Variants in FLNC observed in about 807,000 individuals in gnomAD.
FLNC encodes filamin C, also known as filamin-C.
In FLNC, 91 loss-of-function variants were observed where a neutral mutation model predicts 254.3. That is an observed-to-expected ratio of 0.36 (90% confidence interval 0.30 to 0.43). The LOEUF is 0.43. Among genes scored for constraint, FLNC ranks in the 20% least tolerant of loss-of-function variants. The pLI is 1.00. For missense variants in FLNC, 2,853 were observed against 3,802.6 expected, an observed-to-expected ratio of 0.75 and a Z score of 6.57; for synonymous variants, 1,430 against 1,577.2, an observed-to-expected ratio of 0.91 and a Z score of 2.21.
chr7:128,843,196 C>T (rs370921836), intron 16 of FLNC, 33 bp from the exon 17 acceptor site: 165 of 1,549,622 alleles, frequency 1.1e-4, no homozygotes, highest in African/African-American at 1.1e-3. Context: ...GTGTTCCCCT[C>T]GAGAGCCCTG....
chr7:128,857,023 G>C lies in FLNC; in HGVS notation c.7562-95G>C. 1 of 1,572,122 alleles carries C rather than the reference G, an allele frequency of 6.4e-7. No homozygotes were observed. The highest frequency in any genetic ancestry group is 8.7e-7 in the Non-Finnish European group (1 of 1,144,260). On this transcript the variant is annotated intron_variant, in intron 45 of 47. Transcript: ENST00000325888. The surrounding 1 kb of genome is among the most constrained non-coding windows in gnomAD (Gnocchi z 4.5). ...GGTAGGGGCCCTGCTTCCTAAGCCAGGAGTCCCCACAGAGGCTGTCCAGGG... is the reference window on the plus strand; with the variant it reads ...GGTAGGGGCCCTGCTTCCTAAGCCACGAGTCCCCACAGAGGCTGTCCAGGG...
intron 6 of FLNC, 64 bp downstream of exon 6, chr7:128,838,128 C>A: frequency 3.3e-6 from 5 of 1,512,298 alleles, no homozygotes; most frequent in Non-Finnish European, 4.6e-6. Context: ...GCTGCATGGA[C>A]CCCTCTCTCA....
At chr7:128,837,834 C>A in intron 5 of FLNC, 79 bp downstream of exon 5, 1 of 1,411,324 alleles carries the variant, frequency 7.1e-7, no homozygotes, top group Non-Finnish European at 9.8e-7. Context: ...CAGGAATGGC[C>A]CGGAGGTGAC....
rs1190864068 is a variant in FLNC, at chr7:128,846,434, C to T, written c.4098C>T (p.Asn1366=). 1 of 1,604,118 alleles carries T rather than the reference C, an allele frequency of 6.2e-7. No homozygotes were observed. The highest frequency in any genetic ancestry group is 8.5e-7 in the Non-Finnish European group (1 of 1,179,968). ...FGPGLEGGLV[N]KANRFTVETR... ...CAGGCCTGGAGGGTGGCTTGGTCAACAAGGCCAACCGATTCACTGTGGAGA... is the reference window on the plus strand; with the variant it reads ...CAGGCCTGGAGGGTGGCTTGGTCAATAAGGCCAACCGATTCACTGTGGAGA... Residue 1366 remains asparagine, a synonymous_variant, in exon 23 of 48, where the codon AAC becomes AAT. Coordinates refer to ENST00000325888, the MANE Select transcript of FLNC (RefSeq NM_001458.5).
chr7:128,851,703 GC>G, intron 35 of FLNC, 75 bp downstream of exon 35: 1 of 1,501,222 alleles, frequency 6.7e-7, no homozygotes, highest in Non-Finnish European at 9.3e-7. Flanking sequence ...TGCAAGCCCA[GC>G]CCGTTCAAGT....
At position 128,842,781 on chromosome 7, in the gene FLNC, C is replaced by T. The variant is rs78086167; in HGVS notation, c.2390-13C>T. On this transcript the variant is annotated splice_polypyrimidine_tract_variant and intron_variant, in intron 15 of 47. Coordinates refer to ENST00000325888, the MANE Select transcript of FLNC (RefSeq NM_001458.5). This position sits in a 1 kb window ranked among gnomAD's most constrained non-coding sequence, Gnocchi z 5.4. ...GCTGAGCCCAACTCACAGCAGTGCCCGCTTCTCTGCAGGCGACGTGAGCAT... is the reference window on the plus strand; with the variant it reads ...GCTGAGCCCAACTCACAGCAGTGCCTGCTTCTCTGCAGGCGACGTGAGCAT... 54,534 of 1,612,930 alleles carry T rather than the reference C, an allele frequency of 0.034. 1,154 individuals carry two copies. The highest frequency in any genetic ancestry group is 0.037 in the Non-Finnish European group (43,592 of 1,179,780).
At chr7:128,839,986 C>T in intron 8 of FLNC, 37 bp from the exon 9 acceptor site, 4 of 1,606,428 alleles carry the variant, frequency 2.5e-6, no homozygotes, top group Non-Finnish European at 3.4e-6. Flanking sequence ...TCCAAGGCCC[C>T]TCAGCACCCC....
chr7:128,844,097 G>A lies in FLNC; in HGVS notation c.3023G>A (p.Arg1008His), dbSNP rs777492254. 1.6e-5 allele frequency: 26 copies of A among 1,613,836 alleles called. No homozygotes were observed. The highest frequency in any genetic ancestry group is 5.5e-5 in the South Asian group (5 of 91,092). Residue 1008 changes from arginine (R) to histidine (H), a missense_variant, in exon 20 of 48, where the codon CGC becomes CAC. This residue lies in a region of FLNC where 1,573 missense variants were observed against 1,883.5 expected (regional missense o/e 0.84). Transcript: ENST00000325888. ...QLDVRMTSPS[R>H]RPIPCKLEPG... ...GATGTGCGGATGACTTCGCCCTCTC[G>A]CCGGCCCATCCCCTGCAAGCTGGAG...
At chr7:128,853,386 G>A in intron 37 of FLNC, 83 bp from the exon 38 acceptor site, 1 of 1,559,106 alleles carries the variant, frequency 6.4e-7, no homozygotes, top group Non-Finnish European at 8.8e-7. Context: ...CATTCTGGGT[G>A]GAGCCTGCAG....
chr7:128,846,579 G>A, intron 23 of FLNC, 116 bp downstream of exon 23: 1 of 1,445,716 alleles, frequency 6.9e-7, no homozygotes, highest in Non-Finnish European at 9.6e-7. Flanking sequence ...CAGGGGTGAG[G>A]CAGGAGCAGA....
chr7:128,840,648 G>C lies in FLNC; in HGVS notation c.1650G>C (p.Thr550=). ...VVPGKYVVTI[T]WGGYAIPRSP... is the part of the protein sequence containing the mutation. ...CTGGGAAGTATGTGGTGACCATCAC[G>C]TGGGGCGGCTACGCCATCCCTCGCA... Residue 550 remains threonine, a synonymous_variant, in exon 10 of 48, where the codon ACG becomes ACC. Transcript: ENST00000325888. 6.2e-7 allele frequency: 1 copy of C among 1,614,216 alleles called. No homozygotes were observed. Among genetic ancestry groups the C allele is most frequent in the Non-Finnish European group, 8.5e-7 (1 of 1,180,040 alleles).
Position 128,838,386 on chromosome 7 carries a change from C to A in FLNC, c.1167C>A (p.Gly389=). ...SARGPGLEPV[G]NVANKPTYFD... is the part of the protein sequence containing the mutation. ...GTGGCCCTGGCCTGGAACCTGTGGG[C>A]AATGTGGCCAACAAACCCACCTACT... Residue 389 remains glycine, a synonymous_variant, in exon 7 of 48, where the codon GGC becomes GGA. Transcript: ENST00000325888. 6.2e-7 allele frequency: 1 copy of A among 1,613,964 alleles called. No homozygotes were observed. The highest frequency in any genetic ancestry group is 8.5e-7 in the Non-Finnish European group (1 of 1,179,986).
intron 9 of FLNC, 92 bp from the exon 10 acceptor site, chr7:128,840,456 C>T (rs1808281831): frequency 9.5e-6 from 15 of 1,575,026 alleles, no homozygotes; most frequent in East Asian, 6.7e-5. Flanking sequence ...CGGGCTGGGT[C>T]GGGGTCCCAA....
At position 128,853,466 on chromosome 7, in the gene FLNC, C is replaced by G. The variant is rs896971028; in HGVS notation, c.6209-3C>G. On this transcript the variant is annotated splice_region_variant and splice_polypyrimidine_tract_variant and intron_variant, in intron 37 of 47. Coordinates refer to ENST00000325888, the MANE Select transcript of FLNC (RefSeq NM_001458.5). ...GGGAGATGTGTTCCTTGCTTTCCCC[C>G]AGGTTATGGGGGCTTGGGGCTGAGT... 2.4e-5 allele frequency: 38 copies of G among 1,613,820 alleles called. No individual in the cohort carries two copies. Among genetic ancestry groups the G allele is most frequent in the Non-Finnish European group, 3.1e-5 (36 of 1,180,016 alleles).
intron 31 of FLNC, 129 bp downstream of exon 31, chr7:128,850,203 G>A (rs1808749801): frequency 3.1e-6 from 3 of 961,984 alleles, no homozygotes; most frequent in East Asian, 2.5e-5. Flanking sequence ...GAGTTAGGCT[G>A]GGCAGATGGA....
rs745361779 is a variant in FLNC at position 128,844,928 on chromosome 7, C to G, written c.3463C>G (p.Pro1155Ala). ...AGCCACCATTCGGCCTGTGTTTGACCCGAGCAAGGTGCGGGCCAGTGGACC... is the reference window on the plus strand; with the variant it reads ...AGCCACCATTCGGCCTGTGTTTGACGCGAGCAAGGTGCGGGCCAGTGGACC... ...FKATIRPVFD[P>A]SKVRASGPGL... The change falls in exon 21 of 48, where the codon CCG becomes GCG. Residue 1155 changes from proline to alanine, a missense_variant. Pro to Ala is a conservative substitution (Grantham distance 27). Transcript: ENST00000325888. 4 of 1,613,898 alleles carry G rather than the reference C, an allele frequency of 2.5e-6. No homozygotes were observed. The East Asian group carries it at 6.7e-5, about 27-fold the overall frequency.
In FLNC at chr7:128,835,519, C is replaced by A; in HGVS notation, c.546C>A (p.Asn182Lys). ...KVPQLPITNFNRDWQDGKALG... is the reference protein window; with the variant it reads ...KVPQLPITNFKRDWQDGKALG... ...CCCAGCTGCCCATCACCAACTTCAACCGTGACTGGCAGGACGGCAAAGCTC... is the reference window on the plus strand; with the variant it reads ...CCCAGCTGCCCATCACCAACTTCAAACGTGACTGGCAGGACGGCAAAGCTC... Residue 182 changes from asparagine to lysine, a missense_variant, in exon 2 of 48, where the codon AAC becomes AAA. Around this residue, in one of 10 missense-constraint regions of FLNC, gnomAD observed 115 missense variants for 230.3 expected, o/e 0.50. Transcript: ENST00000325888. The surrounding 1 kb of genome is among the most constrained non-coding windows in gnomAD (Gnocchi z 5.3). 1 of 1,613,732 alleles carries A rather than the reference C, an allele frequency of 6.2e-7. No homozygotes were observed. Among genetic ancestry groups the A allele is most frequent in the Non-Finnish European group, 8.5e-7 (1 of 1,180,028 alleles).
In FLNC at chr7:128,846,796, C is replaced by G. The variant is rs1304554131; in HGVS notation, c.4179C>G (p.Ala1393=). The G allele has an allele frequency of 6.2e-7, 1 of 1,614,120 alleles. No homozygotes were observed. Among genetic ancestry groups the G allele is most frequent in the African/African-American group, 1.3e-5 (1 of 74,954 alleles). ...TAGCCATCGAGGGTCCCTCGGAAGC[C>G]AAGATGTCCTGCAAGGACAACAAGG... ...LGLAIEGPSE[A]KMSCKDNKDG... Residue 1393 remains alanine (A), a synonymous_variant, in exon 24 of 48, where the codon GCC becomes GCG. Transcript: ENST00000325888.
chr7:128,850,953 G>A lies in FLNC; in HGVS notation c.5539+10G>A, dbSNP rs1808782681. ...GGCAACCACATCCCTGGTGAGTTAGGGGCTGGGCTGGGCTGGGGCTTGGGT... is the reference window on the plus strand; with the variant it reads ...GGCAACCACATCCCTGGTGAGTTAGAGGCTGGGCTGGGCTGGGGCTTGGGT... On this transcript the variant is annotated intron_variant, in intron 33 of 47. Transcript: ENST00000325888. 1 of 1,612,874 alleles carries A rather than the reference G, an allele frequency of 6.2e-7. No homozygotes were observed. The highest frequency in any genetic ancestry group is 8.5e-7 in the Non-Finnish European group (1 of 1,179,442).
Sources: allele counts gnomAD v4.1 joint callset, GRCh38; gene constraint gnomAD v4.1.1; regional missense constraint gnomAD v4.1.1; non-coding constraint Gnocchi (gnomAD v3.1); transcripts MANE v1.5; gene names NCBI Gene and HGNC (gene_info 2026-07-23, HGNC 2026-07-21).